The following DNM3 variants were observed in gnomAD, a reference collection of about 807,000 sequenced individuals.
DNM3 encodes dynamin 3.
In DNM3, 47 loss-of-function variants were observed where a neutral mutation model predicts 101.6. The ratio of observed to expected loss-of-function variants is 0.46; its 90% CI spans 0.37 to 0.59. The LOEUF is 0.59. DNM3 is among the 20% of genes least tolerant of loss of function. DNM3 has a pLI of 0.00. For missense variants in DNM3, 849 were observed against 1,085.7 expected, an observed-to-expected ratio of 0.78 and a Z score of 3.06; for synonymous variants, 385 against 387.9, an observed-to-expected ratio of 0.99 and a Z score of 0.09.
chr1:172,189,940 C>A (rs147380987), intron 14 of DNM3, among the ~76,000 whole-genome samples: 3 of 151,854 alleles, frequency 2.0e-5, no homozygotes, highest in Non-Finnish European at 2.9e-5. Context: ...CTAACCCATT[C>A]ATGAGGGTTC....
intron 14 of DNM3, among the ~76,000 whole-genome samples, chr1:172,246,424 A>G (rs188625401): frequency 3.3e-5 from 5 of 152,244 alleles, no homozygotes; most frequent in Middle Eastern, 3.4e-3. Context: ...TAAGTCTGCA[A>G]TTGTGATGGG....
chr1:171,922,154 T>C lies in DNM3; in HGVS notation c.235+333T>C, dbSNP rs553744969. On this transcript the variant is annotated intron_variant, in intron 2 of 20. Coordinates refer to ENST00000627582, the MANE Select transcript of DNM3 (RefSeq NM_015569.5). Reference sequence around the variant, plus strand: ...GTGTGTGTGTGTGTGTGTGTGTGTGTGCGTATGTGTGCATGCACATGCACT... The same window carrying C: ...GTGTGTGTGTGTGTGTGTGTGTGTGCGCGTATGTGTGCATGCACATGCACT... 3.5e-3 allele frequency among the ~76,000 whole-genome samples: 240 copies of C among 68,808 alleles called. 1 individual carries two copies. The highest frequency in any genetic ancestry group is 0.011 in the African/African-American group (178 of 16,768). The allele number at this position is 68,808 out of a possible 152,430, so 45.1% of individuals were successfully genotyped here.
chr1:172,093,172 T>C (rs79898455), intron 13 of DNM3, among the ~76,000 whole-genome samples: 58 of 152,316 alleles, frequency 3.8e-4, no homozygotes, highest in African/African-American at 1.3e-3. Context: ...CTAAGTTTAA[T>C]TTAACATTGA....
intron 3 of DNM3, 120 bp downstream of exon 3, chr1:171,987,925 A>ACC: frequency 3.2e-6 from 3 of 943,756 alleles, no homozygotes; most frequent in Non-Finnish European, 4.3e-6. Context: ...TCCTTTGGAT[A>ACC]CTGCCCATTA....
chr1:172,185,018 GA>G (rs34385291), intron 14 of DNM3, among the ~76,000 whole-genome samples: 2 of 150,594 alleles, frequency 1.3e-5, no homozygotes, highest in Admixed American at 6.6e-5. Context: ...AAGTGATTTG[GA>G]AAAAAAAAGG....
chr1:172,255,315 A>G (rs1342544824), intron 15 of DNM3, among the ~76,000 whole-genome samples: 1 of 152,160 alleles, frequency 6.6e-6, no homozygotes, highest in Non-Finnish European at 1.5e-5. Context: ...CAAGCTCAGT[A>G]CTAGTTTACA....
chr1:172,158,671 A>G (rs1394287056), intron 14 of DNM3, among the ~76,000 whole-genome samples: 2 of 152,042 alleles, frequency 1.3e-5, no homozygotes, highest in Non-Finnish European at 2.9e-5. Flanking sequence ...CCAAATTTAA[A>G]ATCAATATAT....
chr1:171,936,496 G>A lies in DNM3; in HGVS notation c.235+14675G>A, dbSNP rs2041434472. On this transcript the variant is annotated intron_variant, in intron 2 of 20. Transcript: ENST00000627582. ...TAAATGCTACTATATTGTTTACTCTGCTTTATTTCAATGACATTAGTATAA... is the reference window on the plus strand; with the variant it reads ...TAAATGCTACTATATTGTTTACTCTACTTTATTTCAATGACATTAGTATAA... Among the ~76,000 whole-genome samples the A allele has an allele frequency of 2.0e-5, 3 of 152,086 alleles. No individual in the cohort carries two copies. In the South Asian group the frequency reaches 6.2e-4, roughly 32 times the overall value.
At chr1:172,390,857 C>A (rs1318094969) in intron 20 of DNM3, among the ~76,000 whole-genome samples, 2 of 152,170 alleles carry the variant, frequency 1.3e-5, no homozygotes, top group Non-Finnish European at 2.9e-5. Flanking sequence ...TGAGAAAAAA[C>A]CAGAGCAAAC....
At chr1:172,081,943 G>A in intron 12 of DNM3, 41 bp downstream of exon 12, 1 of 1,583,858 alleles carries the variant, frequency 6.3e-7, no homozygotes, top group East Asian at 2.2e-5. Flanking sequence ...TCCTCCTGTT[G>A]ATTTGTCTCA....
At chr1:171,910,911 G>A (rs888491424) in intron 1 of DNM3, among the ~76,000 whole-genome samples, 7 of 152,156 alleles carry the variant, frequency 4.6e-5, no homozygotes, top group Admixed American at 1.3e-4. Context: ...TCCCACAGGA[G>A]GCTGCATCAA....
chr1:172,169,977 T>C (rs2058891325), intron 14 of DNM3, among the ~76,000 whole-genome samples: 1 of 151,886 alleles, frequency 6.6e-6, no homozygotes, highest in Non-Finnish European at 1.5e-5. Context: ...AGAAATCCCT[T>C]GAAGCTCTGT....
intron 14 of DNM3, among the ~76,000 whole-genome samples, chr1:172,170,943 T>C (rs2058935034): frequency 6.6e-6 from 1 of 151,788 alleles, no homozygotes; most frequent in Non-Finnish European, 1.5e-5. Flanking sequence ...CTGGCTGAGG[T>C]GATATTTCTA....
At chr1:172,146,421 C>T (rs924835796) in intron 14 of DNM3, among the ~76,000 whole-genome samples, 2 of 152,068 alleles carry the variant, frequency 1.3e-5, no homozygotes, top group African/African-American at 4.8e-5. Context: ...GCACTGGGTA[C>T]ACCATTCATA....
chr1:172,083,564 A>G lies in DNM3; in HGVS notation c.1493+1662A>G, dbSNP rs540033925. Among the ~76,000 whole-genome samples, 5 of 152,356 alleles carry G rather than the reference A, an allele frequency of 3.3e-5. No homozygotes were observed. In the South Asian group the frequency reaches 8.3e-4, roughly 25 times the overall value. On this transcript the variant is annotated intron_variant, in intron 12 of 20. Coordinates refer to ENST00000627582, the MANE Select transcript of DNM3 (RefSeq NM_015569.5). ...ACACAATAACTTAAAAGTGAAAAGG[A>G]TGCTGCCTTGTTGTGGTACCACAAT...
In DNM3 at chr1:172,178,655, G is replaced by T. The variant is rs995484755; in HGVS notation, c.1659+47367G>T. Among the ~76,000 whole-genome samples the T allele has an allele frequency of 2.4e-4, 37 of 151,784 alleles. No individual in the cohort carries two copies. The Admixed American group carries it at 2.4e-3, about 10-fold the overall frequency. ...GGTGTGCAAGAGATACAGCAAGAGA[G>T]CAAAACAGAGAGAGAAAGAGAGACA... On this transcript the variant is annotated intron_variant, in intron 14 of 20. Transcript: ENST00000627582.
At chr1:171,896,499 G>A (rs2037813086) in intron 1 of DNM3, among the ~76,000 whole-genome samples, 1 of 152,110 alleles carries the variant, frequency 6.6e-6, no homozygotes, top group African/African-American at 2.4e-5. Flanking sequence ...TGTATATTTT[G>A]TATCCTGAGA....
At chr1:172,177,417 T>C (rs1283578772) in intron 14 of DNM3, among the ~76,000 whole-genome samples, 2 of 151,870 alleles carry the variant, frequency 1.3e-5, no homozygotes, top group East Asian at 1.9e-4. Flanking sequence ...AAAAAAGACA[T>C]GGTATATTTA....
intron 10 of DNM3, among the ~76,000 whole-genome samples, chr1:172,049,394 T>TAACC (rs892505896): frequency 6.6e-6 from 1 of 152,316 alleles, no homozygotes; most frequent in Non-Finnish European, 1.5e-5. Flanking sequence ...GCACACTGAT[T>TAACC]AACCATAATT....
Sources: allele counts gnomAD v4.1 joint callset (sites outside exome capture counted in the v4.1 genomes callset), GRCh38; gene constraint gnomAD v4.1.1; transcripts MANE v1.5; gene names NCBI Gene and HGNC (gene_info 2026-07-23, HGNC 2026-07-21).